Variants in CLOCK observed in about 807,000 individuals in gnomAD.
CLOCK encodes the protein clock circadian regulator, also known as circadian locomoter output cycles protein kaput.
A neutral mutation model predicts 118.4 loss-of-function variants in CLOCK; 43 were observed. The observed-to-expected ratio is 0.36, with a 90% CI of 0.28 to 0.47. The LOEUF (loss-of-function observed/expected upper bound fraction) is 0.47, where lower values mean the gene tolerates loss of function less well. CLOCK is among the 20% of genes least tolerant of loss of function. The pLI is 1.00. For missense variants in CLOCK, 846 were observed against 999.9 expected (o/e 0.85, Z 2.08); for synonymous variants, 326 against 339.2 (o/e 0.96, Z 0.43).
chr4:55,464,742 C>T (rs1725613527), intron 8 of CLOCK, among the ~76,000 whole-genome samples: 1 of 152,172 alleles, frequency 6.6e-6, no homozygotes, highest in Admixed American at 6.5e-5. Context: ...AAACAAAAAA[C>T]ATACAACAAC....
Position 55,435,597 on chromosome 4 carries a change from A to G in CLOCK, c.2362-3T>C. The G allele has an allele frequency of 6.2e-7, 1 of 1,613,728 alleles. No individual in the cohort carries two copies. The highest frequency in any genetic ancestry group is 8.5e-7 in the Non-Finnish European group (1 of 1,179,758). ...TTCCCATGGAGCAACCTAGAAGTCT[A>G]AAAAACAAATGGATTATGCAGCATT... On this transcript the variant is annotated splice_region_variant and splice_polypyrimidine_tract_variant and intron_variant, in intron 22 of 22. Transcript: ENST00000513440.
intron 7 of CLOCK, among the ~76,000 whole-genome samples, chr4:55,474,481 A>G (rs1726359333): frequency 6.6e-6 from 1 of 152,200 alleles, no homozygotes; most frequent in African/African-American, 2.4e-5. Context: ...ATCATTGATG[A>G]AGGTCGCTAC....
At chr4:55,442,342 C>A in intron 21 of CLOCK, 90 bp downstream of exon 21, 1 of 1,133,098 alleles carries the variant, frequency 8.8e-7, no homozygotes. Context: ...ATTAAAATCA[C>A]ATTAAAAAAT....
intron 1 of CLOCK, among the ~76,000 whole-genome samples, chr4:55,528,346 CAAA>C (rs57587198): frequency 5.0e-5 from 7 of 139,354 alleles, no homozygotes; most frequent in Admixed American, 7.1e-5. Context: ...AACTCCACCT[CAAA>C]AAAAAAAAAA....
chr4:55,512,447 A>C (rs1158618147), intron 1 of CLOCK, among the ~76,000 whole-genome samples: 1 of 152,040 alleles, frequency 6.6e-6, no homozygotes, highest in Non-Finnish European at 1.5e-5. Context: ...CTTACTGTTA[A>C]GTTTTAAGAG....
At chr4:55,535,360 AAAG>A (rs1213284259) in intron 1 of CLOCK, among the ~76,000 whole-genome samples, 2 of 152,182 alleles carry the variant, frequency 1.3e-5, no homozygotes, top group Non-Finnish European at 2.9e-5. Flanking sequence ...CAAAATACCT[AAAG>A]AACACTACAT....
intron 2 of CLOCK, among the ~76,000 whole-genome samples, chr4:55,503,977 G>GAAAAAGAAAAAA (rs1560463004): frequency 4.0e-5 from 1 of 25,092 alleles, no homozygotes; most frequent in Admixed American, 6.1e-4. Flanking sequence ...GCAAAAAGAG[G>GAAAAAGAAAAAA]TAAAAAAAAA....
intron 5 of CLOCK, 122 bp from the exon 6 acceptor site, chr4:55,479,085 T>A (rs1726738618): frequency 1.2e-6 from 1 of 832,676 alleles, no homozygotes; most frequent in Non-Finnish European, 1.8e-6. Flanking sequence ...GTAACAAATA[T>A]CTTCCAGGTT....
intron 1 of CLOCK, among the ~76,000 whole-genome samples, chr4:55,512,992 A>G (rs890672052): frequency 6.6e-6 from 1 of 152,160 alleles, no homozygotes; most frequent in Admixed American, 6.5e-5. Context: ...GTAGCCATTC[A>G]TAACATTGTA....
intron 1 of CLOCK, among the ~76,000 whole-genome samples, chr4:55,541,731 G>A (rs953323525): frequency 3.3e-5 from 5 of 151,988 alleles, no homozygotes; most frequent in Non-Finnish European, 5.9e-5. Context: ...AATGATTAAA[G>A]AGGCTGTATT....
At chr4:55,436,063 A>C (rs1429718064) in intron 22 of CLOCK, among the ~76,000 whole-genome samples, 1 of 152,184 alleles carries the variant, frequency 6.6e-6, no homozygotes, top group Non-Finnish European at 1.5e-5. Context: ...TGAATGGTTC[A>C]AACTTGGGCT....
chr4:55,505,074 TCAGAAGG>T (rs1728712537), intron 2 of CLOCK, among the ~76,000 whole-genome samples: 1 of 151,286 alleles, frequency 6.6e-6, no homozygotes, highest in South Asian at 2.1e-4. Flanking sequence ...TCCCAGCTAC[TCAGAAGG>T]CTGAGGCAGA....
chr4:55,444,626 C>T lies in CLOCK; in HGVS notation c.1692+7G>A. ...ATGCTTTGTTTGTATTCAAATATAA[C>T]AATTACCTGCAGCCCCTGACCATGG... On this transcript the variant is annotated splice_region_variant and intron_variant, in intron 19 of 22. Transcript: ENST00000513440. 2 of 1,613,944 alleles carry T rather than the reference C, an allele frequency of 1.2e-6. No individual in the cohort carries two copies. Among genetic ancestry groups the T allele is most frequent in the Non-Finnish European group, 1.7e-6 (2 of 1,179,952 alleles).
intron 1 of CLOCK, among the ~76,000 whole-genome samples, chr4:55,511,192 T>A (rs1201604793): frequency 6.6e-6 from 1 of 152,146 alleles, no homozygotes; most frequent in Non-Finnish European, 1.5e-5. Context: ...ACTAAGCACT[T>A]TACTATGTGT....
chr4:55,496,045 C>T (rs1037525585), intron 2 of CLOCK, among the ~76,000 whole-genome samples: 18 of 151,926 alleles, frequency 1.2e-4, no homozygotes, highest in Admixed American at 9.8e-4. Flanking sequence ...AAAAATTAGC[C>T]GGGCGTGGTG....
rs757597601 is a variant in CLOCK, at chr4:55,449,495, T to C, written c.1350A>G (p.Ser450=). 97 of 1,613,518 alleles carry C rather than the reference T, an allele frequency of 6.0e-5. 1 individual carries two copies. In the South Asian group the frequency reaches 1.0e-3, roughly 17 times the overall value. ...SSHTAVSDPS[S]TPTKIPTDTS... The stretch of plus-strand genomic sequence containing the variant: ...TATCCGTCGGGATCTTGGTTGGTGT[T>C]GCTGAAGTCAACAAAATCAGAAGAG... The change falls in exon 17 of 23, where the codon TCA becomes TCG. Residue 450 remains serine (S), a splice_region_variant and synonymous_variant. Coordinates refer to ENST00000513440, the MANE Select transcript of CLOCK (RefSeq NM_004898.4).
At chr4:55,455,192 CAT>C (rs1420138305) in intron 13 of CLOCK, among the ~76,000 whole-genome samples, 2 of 152,082 alleles carry the variant, frequency 1.3e-5, no homozygotes, top group African/African-American at 2.4e-5. Flanking sequence ...GCAAATAAAA[CAT>C]ATCATTAAGG....
chr4:55,441,478 CCT>C (rs1216533595), intron 21 of CLOCK, among the ~76,000 whole-genome samples: 1 of 152,110 alleles, frequency 6.6e-6, no homozygotes, highest in Non-Finnish European at 1.5e-5. Context: ...ATGGAATCAA[CCT>C]AAGTGCCCAT....
intron 22 of CLOCK, among the ~76,000 whole-genome samples, chr4:55,436,057 T>C (rs1722853537): frequency 6.6e-6 from 1 of 152,164 alleles, no homozygotes; most frequent in Admixed American, 6.5e-5. Context: ...GTAGACTGAA[T>C]GGTTCAAACT....
Sources: allele counts gnomAD v4.1 joint callset (sites outside exome capture counted in the v4.1 genomes callset), GRCh38; gene constraint gnomAD v4.1.1; transcripts MANE v1.5; gene names NCBI Gene and HGNC (gene_info 2026-07-23, HGNC 2026-07-21).